The following TMEM117 variants were observed in gnomAD, a reference collection of about 807,000 sequenced individuals.
TMEM117 encodes the protein transmembrane protein 117.
Under a neutral mutation model 52.4 loss-of-function variants are expected in TMEM117, and 27 were observed. The observed-to-expected ratio is 0.51, with a 90% CI of 0.38 to 0.71. The LOEUF (loss-of-function observed/expected upper bound fraction) is 0.71, where lower values mean the gene tolerates loss of function less well. Ranked by LOEUF, TMEM117 falls within the 30% of genes least tolerant of loss-of-function variation. The pLI, the probability that TMEM117 is intolerant of heterozygous loss-of-function variation, is 0.00. For missense variants in TMEM117, 556 were observed against 630.5 expected (o/e 0.88, Z 1.26); for synonymous variants, 215 against 206.3 (o/e 1.04, Z -0.36).
At chr12:44,088,913 G>A (rs1255519079) in intron 3 of TMEM117, among the ~76,000 whole-genome samples, 1 of 152,174 alleles carries the variant, frequency 6.6e-6, no homozygotes, top group African/African-American at 2.4e-5. Flanking sequence ...ATATGCCTGG[G>A]AGCTGGCCCT....
intron 3 of TMEM117, among the ~76,000 whole-genome samples, chr12:43,967,734 A>C (rs887529397): frequency 6.6e-6 from 1 of 152,148 alleles, no homozygotes; most frequent in South Asian, 2.1e-4. Context: ...TTGTGCTCTG[A>C]TTCCTGACCC....
intron 4 of TMEM117, among the ~76,000 whole-genome samples, chr12:44,152,333 ATT>A (rs1396763541): frequency 8.0e-5 from 9 of 112,512 alleles, no homozygotes; most frequent in African/African-American, 2.9e-4. Context: ...AAATATATAT[ATT>A]ATATATAAAT....
intron 3 of TMEM117, among the ~76,000 whole-genome samples, chr12:44,072,800 C>A (rs1241162938): frequency 1.3e-5 from 2 of 152,102 alleles, no homozygotes; most frequent in Non-Finnish European, 2.9e-5. Flanking sequence ...ATTTAGAAAA[C>A]CACATTGTCG....
intron 4 of TMEM117, among the ~76,000 whole-genome samples, chr12:44,177,249 A>G (rs2138300847): frequency 6.6e-6 from 1 of 152,286 alleles, no homozygotes; most frequent in South Asian, 2.1e-4. Flanking sequence ...AAATTTCACT[A>G]GATAAAAAAA....
At chr12:43,935,985 A>T (rs1342150266) in intron 2 of TMEM117, among the ~76,000 whole-genome samples, 1 of 152,184 alleles carries the variant, frequency 6.6e-6, no homozygotes, top group African/African-American at 2.4e-5. Context: ...GTGGTGAGGG[A>T]GGAGAGGGAA....
chr12:44,276,115 A>G (rs900725358), intron 5 of TMEM117, among the ~76,000 whole-genome samples: 10 of 152,112 alleles, frequency 6.6e-5, no homozygotes, highest in African/African-American at 2.2e-4. Context: ...CTGTCATGTG[A>G]TCAAGCAATC....
At chr12:44,128,217 TC>T (rs1336103725) in intron 3 of TMEM117, among the ~76,000 whole-genome samples, 1 of 152,208 alleles carries the variant, frequency 6.6e-6, no homozygotes, top group Non-Finnish European at 1.5e-5. Flanking sequence ...CCCTGCTGCT[TC>T]CAGCCTTCTC....
At position 44,225,739 on chromosome 12, in the gene TMEM117, G is replaced by A. The variant is rs145611373; in HGVS notation, c.608+14352G>A. ...TAGCATCATTGCTTCTTATAAATCC[G>A]TCCTCGCTGTAGCAGATTCCAGTTA... On this transcript the variant is annotated intron_variant, in intron 5 of 7. Transcript: ENST00000266534. 2.5e-3 allele frequency among the ~76,000 whole-genome samples: 373 copies of A among 152,168 alleles called. 1 individual carries two copies. The highest frequency in any genetic ancestry group is 8.2e-3 in the African/African-American group (339 of 41,528).
chr12:43,796,969 G>A, the TMEM117 span: 1 of 1,607,122 alleles, frequency 6.2e-7, no homozygotes, highest in Non-Finnish European at 8.5e-7. Context: ...TAAAATAGGT[G>A]GGCTACCTTT....
At chr12:44,367,457 T>A (rs1415700243) in intron 6 of TMEM117, among the ~76,000 whole-genome samples, 1 of 152,146 alleles carries the variant, frequency 6.6e-6, no homozygotes, top group Non-Finnish European at 1.5e-5. Flanking sequence ...CACCACTTTC[T>A]CTTGTTCTTC....
At chr12:43,868,475 C>T (rs1254014650) in intron 2 of TMEM117, among the ~76,000 whole-genome samples, 8 of 151,830 alleles carry the variant, frequency 5.3e-5, no homozygotes, top group Non-Finnish European at 1.2e-4. Flanking sequence ...TTGCTTGAAC[C>T]TGGGAGGCGG....
At chr12:43,984,343 G>A (rs762007609) in intron 3 of TMEM117, among the ~76,000 whole-genome samples, 12 of 150,218 alleles carry the variant, frequency 8.0e-5, no homozygotes, top group Non-Finnish European at 1.3e-4. Context: ...ACTCCAGCCT[G>A]GGCGACAGAG....
chr12:44,380,756 C>T (rs770762888), intron 7 of TMEM117, among the ~76,000 whole-genome samples: 1 of 152,164 alleles, frequency 6.6e-6, no homozygotes, highest in Non-Finnish European at 1.5e-5. Flanking sequence ...TAAAGCTTTT[C>T]CTTTCATCTG....
intron 4 of TMEM117, among the ~76,000 whole-genome samples, chr12:44,170,286 GC>G (rs1386102974): frequency 8.7e-6 from 1 of 114,590 alleles, no homozygotes; most frequent in Non-Finnish European, 1.7e-5. Flanking sequence ...ACACACTGGG[GC>G]CTGCTGGGGG....
chr12:44,352,775 T>G (rs1215274714), intron 6 of TMEM117, among the ~76,000 whole-genome samples: 2 of 152,190 alleles, frequency 1.3e-5, no homozygotes, highest in African/African-American at 2.4e-5. Flanking sequence ...TGTGTCTTTA[T>G]AGCAGCATGA....
At chr12:44,057,957 C>T (rs1452408378) in intron 3 of TMEM117, among the ~76,000 whole-genome samples, 1 of 152,152 alleles carries the variant, frequency 6.6e-6, no homozygotes, top group Admixed American at 6.5e-5. Flanking sequence ...TTCACAAAGT[C>T]AGGATTTCAC....
At chr12:43,961,008 A>G (rs966159882) in intron 3 of TMEM117, among the ~76,000 whole-genome samples, 3 of 152,112 alleles carry the variant, frequency 2.0e-5, no homozygotes, top group Non-Finnish European at 4.4e-5. Context: ...TAGAAACAGC[A>G]TGGACTTTTG....
chr12:43,836,306 C>G (rs975893922), intron 1 of TMEM117, 110 bp downstream of exon 1: 3 of 152,372 alleles, frequency 2.0e-5, no homozygotes, highest in African/African-American at 7.2e-5. Context: ...CTCGTCACTG[C>G]CCGCGAGTGC....
chr12:43,836,134 C>G lies in TMEM117; in HGVS notation c.-91C>G, dbSNP rs958208321. 4.6e-5 allele frequency: 7 copies of G among 152,168 alleles called. No homozygotes were observed. The highest frequency in any genetic ancestry group is 3.9e-4 in the East Asian group (2 of 5,154). 9.4% of individuals were successfully genotyped at this position (152,168 alleles called of 1,614,324 possible). On this transcript the variant is annotated 5_prime_UTR_variant, in exon 1 of 8. Transcript: ENST00000266534. ...CTTCCCAGCGAGGCCGCCGGCGCGC[C>G]GAGGGCTGTGCTCGACCGCGAATCC...
Sources: gnomAD v4.1 joint callset for allele counts (sites outside exome capture counted in the v4.1 genomes callset) on GRCh38, gnomAD v4.1.1 for gene constraint, MANE v1.5 for transcripts, NCBI Gene and HGNC (gene_info 2026-07-23, HGNC 2026-07-21) for gene names.